Variants in EXOC6B observed in about 807,000 individuals in gnomAD.
The protein encoded by EXOC6B is exocyst complex component 6B.
In EXOC6B, 54 loss-of-function variants were observed where a neutral mutation model predicts 113.5. The observed-to-expected ratio is 0.48, with a 90% CI of 0.38 to 0.60. EXOC6B has a LOEUF of 0.60. EXOC6B is among the 20% of genes least tolerant of loss of function. The pLI, the probability that EXOC6B is intolerant of heterozygous loss-of-function variation, is 0.00. For synonymous variants in EXOC6B, 357 were observed against 339.0 expected (o/e 1.05, Z -0.58); for missense variants, 797 against 977.5 (o/e 0.82, Z 2.46).
At chr2:72,275,331 A>C (rs1277380545) in intron 20 of EXOC6B, among the ~76,000 whole-genome samples, 1 of 152,152 alleles carries the variant, frequency 6.6e-6, no homozygotes. Flanking sequence ...TGTCTAACCC[A>C]TGTGTCAACA....
At chr2:72,624,812 T>C (rs1247683840) in intron 6 of EXOC6B, among the ~76,000 whole-genome samples, 3 of 152,146 alleles carry the variant, frequency 2.0e-5, no homozygotes, top group Admixed American at 1.3e-4. Flanking sequence ...CCAGGTACCA[T>C]TCTAAGTAGA....
chr2:72,768,458 A>C (rs1683228739), intron 1 of EXOC6B, among the ~76,000 whole-genome samples: 1 of 151,588 alleles, frequency 6.6e-6, no homozygotes, highest in Admixed American at 6.6e-5. Context: ...CCCCCGGCTA[A>C]TTTTGTATTT....
intron 18 of EXOC6B, among the ~76,000 whole-genome samples, chr2:72,435,116 C>T (rs1420083162): frequency 6.6e-6 from 1 of 152,082 alleles, no homozygotes; most frequent in African/African-American, 2.4e-5. Context: ...TCTTTGTTCT[C>T]ATTGGTTTCA....
At chr2:72,705,283 A>C (rs1223121890) in intron 6 of EXOC6B, among the ~76,000 whole-genome samples, 1 of 152,206 alleles carries the variant, frequency 6.6e-6, no homozygotes, top group Non-Finnish European at 1.5e-5. Flanking sequence ...ACAACGCTTC[A>C]TGCTAAAAAC....
At chr2:72,411,904 A>G (rs1210857436) in intron 18 of EXOC6B, among the ~76,000 whole-genome samples, 2 of 152,216 alleles carry the variant, frequency 1.3e-5, no homozygotes, top group Non-Finnish European at 2.9e-5. Flanking sequence ...AAAACCTGAG[A>G]TGAAGGAACT....
rs182739717 is a variant in EXOC6B at position 72,293,866 on chromosome 2, T to C, written c.2196+41081A>G. On this transcript the variant is annotated intron_variant, in intron 20 of 21. Transcript: ENST00000272427. ...CAATGTATTTGAATATTTCCTTTTA[T>C]GATGAGTAATCAGGAAAAAAAAGCT... 8.6e-4 allele frequency among the ~76,000 whole-genome samples: 131 copies of C among 152,166 alleles called. 1 individual carries two copies. The highest frequency in any genetic ancestry group is 3.1e-3 in the African/African-American group (129 of 41,500).
chr2:72,244,800 T>C (rs1054972652), intron 20 of EXOC6B, among the ~76,000 whole-genome samples: 2 of 152,114 alleles, frequency 1.3e-5, no homozygotes, highest in Non-Finnish European at 2.9e-5. Context: ...GGGTGCAGGA[T>C]ACAAGATGAA....
At chr2:72,674,340 C>A (rs1676125207) in intron 6 of EXOC6B, among the ~76,000 whole-genome samples, 1 of 152,192 alleles carries the variant, frequency 6.6e-6, no homozygotes, top group Non-Finnish European at 1.5e-5. Flanking sequence ...CTACCTTCTA[C>A]AGATGATCAC....
At chr2:72,287,139 T>C (rs923360394) in intron 20 of EXOC6B, among the ~76,000 whole-genome samples, 5 of 151,820 alleles carry the variant, frequency 3.3e-5, no homozygotes, top group Non-Finnish European at 7.4e-5. Flanking sequence ...AGAAATAGAA[T>C]ATAAATGTAG....
At chr2:72,718,006 G>T in intron 6 of EXOC6B, 97 bp downstream of exon 6, 3 of 825,992 alleles carry the variant, frequency 3.6e-6, no homozygotes, top group Non-Finnish European at 5.6e-6. Context: ...TAAGAAACTT[G>T]GATAAGATAA....
chr2:72,763,068 C>A (rs1682838062), intron 1 of EXOC6B, among the ~76,000 whole-genome samples: 2 of 150,336 alleles, frequency 1.3e-5, no homozygotes, highest in Non-Finnish European at 3.0e-5. Context: ...GTATACCTAA[C>A]AATGGAATCT....
At chr2:72,570,816 T>C (rs982095185) in intron 7 of EXOC6B, among the ~76,000 whole-genome samples, 1 of 152,334 alleles carries the variant, frequency 6.6e-6, no homozygotes, top group Middle Eastern at 3.4e-3. Context: ...GTAGATGATG[T>C]TCATCAGTCC....
intron 18 of EXOC6B, among the ~76,000 whole-genome samples, chr2:72,382,855 A>C (rs1313802379): frequency 6.6e-6 from 1 of 152,152 alleles, no homozygotes; most frequent in African/African-American, 2.4e-5. Flanking sequence ...CAGGAAGGCT[A>C]CTGATTTTTG....
At chr2:72,782,139 C>CAAAAA (rs374201314) in intron 1 of EXOC6B, among the ~76,000 whole-genome samples, 15 of 65,130 alleles carry the variant, frequency 2.3e-4, no homozygotes, top group Admixed American at 3.5e-4. Context: ...GACTCACTCT[C>CAAAAA]AAAAAAAAAA....
At chr2:72,594,947 C>A (rs888693072) in intron 6 of EXOC6B, among the ~76,000 whole-genome samples, 4 of 152,012 alleles carry the variant, frequency 2.6e-5, no homozygotes, top group African/African-American at 9.7e-5. Context: ...ATTAACATTC[C>A]CATTCAAAGA....
intron 19 of EXOC6B, among the ~76,000 whole-genome samples, chr2:72,341,629 T>C (rs1013245535): frequency 6.6e-6 from 1 of 152,094 alleles, no homozygotes; most frequent in African/African-American, 2.4e-5. Flanking sequence ...AAAGGAGAAA[T>C]ACAGCAATAC....
chr2:72,736,321 G>GA (rs1238466847), intron 2 of EXOC6B, among the ~76,000 whole-genome samples: 1 of 152,146 alleles, frequency 6.6e-6, no homozygotes, highest in Non-Finnish European at 1.5e-5. Flanking sequence ...GGGCATCTTA[G>GA]AGTACGATTT....
At chr2:72,606,680 G>A (rs1054553379) in intron 6 of EXOC6B, among the ~76,000 whole-genome samples, 2 of 148,720 alleles carry the variant, frequency 1.3e-5, no homozygotes, top group East Asian at 2.0e-4. Context: ...CCAGACTGGA[G>A]TGCAGTGGCC....
At chr2:72,748,735 A>G (rs2104843726) in intron 1 of EXOC6B, among the ~76,000 whole-genome samples, 1 of 152,146 alleles carries the variant, frequency 6.6e-6, no homozygotes, top group East Asian at 1.9e-4. Context: ...GGGAACCCCA[A>G]TGATGGCTAT....
Sources: gnomAD v4.1 joint callset for allele counts (sites outside exome capture counted in the v4.1 genomes callset) on GRCh38, gnomAD v4.1.1 for gene constraint, MANE v1.5 for transcripts, NCBI Gene and HGNC (gene_info 2026-07-23, HGNC 2026-07-21) for gene names.